The following TEC variants were observed in gnomAD, a reference collection of about 807,000 sequenced individuals.
TEC encodes tyrosine-protein kinase Tec.
In TEC, 72 loss-of-function variants were observed where a neutral mutation model predicts 93.0. That is an observed-to-expected ratio of 0.77 (90% CI 0.64 to 0.94). The LOEUF is 0.94. Ranked by LOEUF, TEC falls within the 40% of genes least tolerant of loss-of-function variation. The probability of loss-of-function intolerance (pLI) is 0.00; values close to 1 mark genes in which losing one functional copy is unlikely to be tolerated. For synonymous variants in TEC, 249 were observed against 247.7 expected (o/e 1.01, Z -0.05); for missense variants, 630 against 757.9 (o/e 0.83, Z 1.98).
intron 1 of TEC, among the ~76,000 whole-genome samples, chr4:48,259,420 A>C (rs543648615): frequency 1.3e-5 from 2 of 152,174 alleles, no homozygotes; most frequent in Admixed American, 6.5e-5. Flanking sequence ...TGATATCTAG[A>C]AAGATGACAA....
At chr4:48,260,984 G>T (rs1223987611) in intron 1 of TEC, among the ~76,000 whole-genome samples, 1 of 152,118 alleles carries the variant, frequency 6.6e-6, no homozygotes, top group African/African-American at 2.4e-5. Context: ...TCTACAAAAT[G>T]ACAATTTTTT....
At chr4:48,161,333 CT>C (rs34560992) in intron 8 of TEC, among the ~76,000 whole-genome samples, 9,303 of 152,240 alleles carry the variant, frequency 0.061, 949 homozygotes, top group African/African-American at 0.21. Flanking sequence ...GCTTTCATTT[CT>C]GTCACCTTCT....
intron 2 of TEC, among the ~76,000 whole-genome samples, chr4:48,212,110 A>AAATATATATATATATAT: frequency 8.2e-6 from 1 of 122,266 alleles, no homozygotes; most frequent in Non-Finnish European, 1.7e-5. Context: ...AAAAAAAAAA[A>AAATATATATATATATAT]ATATATATAT....
At chr4:48,221,829 C>T (rs925253898) in intron 2 of TEC, among the ~76,000 whole-genome samples, 1 of 152,096 alleles carries the variant, frequency 6.6e-6, no homozygotes, top group Non-Finnish European at 1.5e-5. Flanking sequence ...CTAAAGTCAA[C>T]CTATTACTTT....
intron 2 of TEC, among the ~76,000 whole-genome samples, chr4:48,207,713 G>A (rs1389520179): frequency 7.9e-5 from 12 of 151,708 alleles, no homozygotes; most frequent in South Asian, 2.1e-4. Flanking sequence ...ACCTGAGCCC[G>A]AAAGGTTGAG....
intron 2 of TEC, among the ~76,000 whole-genome samples, chr4:48,217,222 GC>G (rs1723109705): frequency 6.6e-6 from 1 of 152,062 alleles, no homozygotes; most frequent in African/African-American, 2.4e-5. Flanking sequence ...TCTTGACTCA[GC>G]CTCCCGAGTA....
At chr4:48,138,632 G>C (rs1719527308) in intron 17 of TEC, 33 bp downstream of exon 17, 2 of 1,575,900 alleles carry the variant, frequency 1.3e-6, no homozygotes, top group Non-Finnish European at 1.7e-6. Context: ...ATCCCTAAGA[G>C]ATTCAAAAAG....
At chr4:48,224,482 CCT>C (rs1436837137) in intron 2 of TEC, among the ~76,000 whole-genome samples, 1 of 152,138 alleles carries the variant, frequency 6.6e-6, no homozygotes, top group East Asian at 1.9e-4. Context: ...TGGTCTGTCC[CCT>C]GTGTCATTTA....
chr4:48,255,776 T>A (rs2109674591), intron 1 of TEC, among the ~76,000 whole-genome samples: 1 of 152,308 alleles, frequency 6.6e-6, no homozygotes, highest in East Asian at 1.9e-4. Context: ...AGCACAATGC[T>A]TGACACAAAG....
intron 2 of TEC, among the ~76,000 whole-genome samples, chr4:48,201,616 C>T (rs1722511714): frequency 6.6e-6 from 1 of 152,220 alleles, no homozygotes; most frequent in South Asian, 2.1e-4. Flanking sequence ...CGTGGGCTAC[C>T]GAAGCAGTAG....
At position 48,175,625 on chromosome 4, in the gene TEC, T is replaced by G. The variant is rs114481877; in HGVS notation, c.243+457A>C. On this transcript the variant is annotated intron_variant, in intron 3 of 17. Transcript: ENST00000381501. ...CTTGGCAGACTTTTCATTTACAAGG[T>G]GACCTTGGAGAAGCTATTTAACAGG... Among the ~76,000 whole-genome samples the G allele has an allele frequency of 6.2e-3, 951 of 152,254 alleles. 11 individuals are homozygous for G. The highest frequency in any genetic ancestry group is 0.022 in the African/African-American group (927 of 41,534).
chr4:48,257,334 C>G (rs1724369520), intron 1 of TEC, among the ~76,000 whole-genome samples: 1 of 152,096 alleles, frequency 6.6e-6, no homozygotes, highest in Admixed American at 6.5e-5. Flanking sequence ...ATCTTAAGGT[C>G]TATATAGTTA....
At chr4:48,250,076 A>G (rs1724162255) in intron 1 of TEC, among the ~76,000 whole-genome samples, 1 of 152,196 alleles carries the variant, frequency 6.6e-6, no homozygotes, top group East Asian at 1.9e-4. Flanking sequence ...AGATTGCTGT[A>G]TCCAACTGCA....
At chr4:48,218,024 T>C (rs961313785) in intron 2 of TEC, among the ~76,000 whole-genome samples, 3 of 151,134 alleles carry the variant, frequency 2.0e-5, no homozygotes, top group African/African-American at 7.3e-5. Flanking sequence ...AAGGAGTAAG[T>C]AAGACCCTTG....
At chr4:48,197,171 A>G (rs191275635) in intron 2 of TEC, among the ~76,000 whole-genome samples, 247 of 152,326 alleles carry the variant, frequency 1.6e-3, no homozygotes, top group African/African-American at 5.7e-3. Context: ...TAAACACACA[A>G]TTTGGTAGCC....
At chr4:48,238,934 G>T (rs1254371275) in intron 1 of TEC, among the ~76,000 whole-genome samples, 1 of 152,120 alleles carries the variant, frequency 6.6e-6, no homozygotes, top group East Asian at 1.9e-4. Flanking sequence ...AGGTGGGGAA[G>T]AAACAAGATG....
intron 2 of TEC, among the ~76,000 whole-genome samples, chr4:48,217,125 A>T (rs1229010947): frequency 6.6e-6 from 1 of 151,540 alleles, no homozygotes; most frequent in African/African-American, 2.4e-5. Flanking sequence ...TTTTCTTGAG[A>T]TGGAGTCTTG....
At chr4:48,172,003 C>T (rs1266629023) in intron 3 of TEC, among the ~76,000 whole-genome samples, 1 of 152,194 alleles carries the variant, frequency 6.6e-6, no homozygotes, top group East Asian at 1.9e-4. Context: ...TCAGCAGATA[C>T]CACTCATGCA....
chr4:48,140,779 T>C (rs984300247), intron 15 of TEC, among the ~76,000 whole-genome samples: 1 of 152,230 alleles, frequency 6.6e-6, no homozygotes, highest in Non-Finnish European at 1.5e-5. Flanking sequence ...TGGGTCAGAC[T>C]GACAGCCACA....
Sources: gnomAD v4.1 joint callset for allele counts (sites outside exome capture counted in the v4.1 genomes callset) on GRCh38, gnomAD v4.1.1 for gene constraint, MANE v1.5 for transcripts, NCBI Gene and HGNC (gene_info 2026-07-23, HGNC 2026-07-21) for gene names.